MAP3K13: variants seen among roughly 807,000 people sequenced by gnomAD.
MAP3K13 encodes the protein mitogen-activated protein kinase kinase kinase 13, also known as leucine zipper-bearing kinase.
In MAP3K13, 52 loss-of-function variants were observed where a neutral mutation model predicts 104.0. That is an observed-to-expected ratio of 0.50 (90% confidence interval 0.40 to 0.63). MAP3K13 has a LOEUF of 0.63. Among genes scored for constraint, MAP3K13 ranks in the 20% least tolerant of loss-of-function variants. MAP3K13 has a pLI of 0.00. For synonymous variants in MAP3K13, 394 were observed against 442.2 expected (o/e 0.89, Z 1.37); for missense variants, 914 against 1,218.5 (o/e 0.75, Z 3.72).
intron 1 of MAP3K13, among the ~76,000 whole-genome samples, chr3:185,366,517 T>A (rs545348912): frequency 6.6e-5 from 10 of 152,322 alleles, no homozygotes; most frequent in Non-Finnish European, 1.3e-4. Context: ...TGCCAAATTG[T>A]TTTCCAAAGT....
chr3:185,356,898 GTATGTATGTATT>G (rs1461733464), intron 2 of MAP3K13, among the ~76,000 whole-genome samples: 44 of 150,692 alleles, frequency 2.9e-4, no homozygotes, highest in African/African-American at 1.0e-3. Flanking sequence ...ATGTATGTAT[GTATGTATGTATT>G]TATGTATTGA....
At position 185,397,098 on chromosome 3, in the gene MAP3K13, G is replaced by GT. The variant is rs1270065832; in HGVS notation, c.-85-31399_-85-31398insT. Among the ~76,000 whole-genome samples, 4 of 151,846 alleles carry GT rather than the reference G, an allele frequency of 2.6e-5. No individual in the cohort carries two copies. In the South Asian group the frequency reaches 6.2e-4, roughly 24 times the overall value. ...AGATAAGAGAATCTTACAATTGAAA[G>GT]ACATAGGAGAGGTCATTCGGTTCAA... On this transcript the variant is annotated intron_variant, in intron 1 of 13. Transcript: ENST00000265026.
At chr3:185,288,595 A>AAAAT (rs1458009404) in intron 2 of MAP3K13, among the ~76,000 whole-genome samples, 3 of 151,506 alleles carry the variant, frequency 2.0e-5, no homozygotes, top group Non-Finnish European at 4.4e-5. Flanking sequence ...TCAATGAGAA[A>AAAAT]AAATAAATAA....
chr3:185,328,138 T>C (rs920325177), intron 2 of MAP3K13, among the ~76,000 whole-genome samples: 1 of 152,202 alleles, frequency 6.6e-6, no homozygotes, highest in Admixed American at 6.5e-5. Context: ...GTTCTCACTT[T>C]ACATCAGATC....
chr3:185,455,860 TATATGAGATATAGATGAG>T (rs1716690974), intron 7 of MAP3K13, among the ~76,000 whole-genome samples: 1 of 67,230 alleles, frequency 1.5e-5, no homozygotes, highest in Non-Finnish European at 3.7e-5. Flanking sequence ...ATATGAGATA[TATATGAGATATAGATGAG>T]ATATATGATA....
intron 2 of MAP3K13, among the ~76,000 whole-genome samples, chr3:185,309,404 A>G (rs965559121): frequency 1.3e-5 from 2 of 151,714 alleles, no homozygotes; most frequent in African/African-American, 2.4e-5. Context: ...CAGCTACTCC[A>G]GAGGCTGGGA....
At position 185,425,140 on chromosome 3, in the gene MAP3K13, A is replaced by G. The variant is rs150866862; in HGVS notation, c.-85-3357A>G. 2.8e-3 allele frequency among the ~76,000 whole-genome samples: 427 copies of G among 152,356 alleles called. 1 individual carries two copies. Among genetic ancestry groups the G allele is most frequent in the African/African-American group, 1.0e-2 (415 of 41,586 alleles). ...TTGGAAACTTCTGCCCCTGTGATAA[A>G]TGAGCCCCATCTTTATCTTTCTTCC... On this transcript the variant is annotated intron_variant, in intron 1 of 13. Coordinates refer to ENST00000265026, the MANE Select transcript of MAP3K13 (RefSeq NM_004721.5).
At chr3:185,427,134 C>T (rs1714466804) in intron 1 of MAP3K13, among the ~76,000 whole-genome samples, 2 of 152,074 alleles carry the variant, frequency 1.3e-5, no homozygotes, top group South Asian at 4.1e-4. Flanking sequence ...AGGTGGATCA[C>T]CTGAGGTCAG....
chr3:185,362,117 C>A (rs1324217972), upstream of MAP3K13, among the ~76,000 whole-genome samples: 1 of 152,168 alleles, frequency 6.6e-6, no homozygotes, highest in Non-Finnish European at 1.5e-5. Context: ...TCACTGGACA[C>A]CTCATAACTG....
At chr3:185,368,158 T>G (rs1329533596) in intron 1 of MAP3K13, among the ~76,000 whole-genome samples, 1 of 152,116 alleles carries the variant, frequency 6.6e-6, no homozygotes, top group East Asian at 1.9e-4. Flanking sequence ...AGACCCTGTC[T>G]CAAAAAATTA....
At chr3:185,302,654 G>A (rs1721149124) in intron 2 of MAP3K13, among the ~76,000 whole-genome samples, 1 of 152,000 alleles carries the variant, frequency 6.6e-6, no homozygotes. Context: ...TTAGTGTATA[G>A]AAACACACTG....
Position 185,473,059 on chromosome 3 carries a change from C to T in MAP3K13, c.1728C>T (p.Ser576=), listed in dbSNP as rs200008233. 1.4e-5 allele frequency: 23 copies of T among 1,614,036 alleles called. No individual in the cohort carries two copies. Among genetic ancestry groups the T allele is most frequent in the Non-Finnish European group, 1.9e-5 (23 of 1,180,030 alleles). The change falls in exon 11 of 14, where the codon TCC becomes TCT. Residue 576 remains serine, a synonymous_variant. Coordinates refer to ENST00000265026, the MANE Select transcript of MAP3K13 (RefSeq NM_004721.5). This position sits in a 1 kb window ranked among gnomAD's most constrained non-coding sequence, Gnocchi z 4.9. ...ASPLSGSPKM[S]TSSSKSRYRS... is the part of the protein sequence containing the mutation. ...CTTTGTCCGGAAGTCCCAAAATGTCCACTTCTAGCAGCAAGAGCCGATATC... is the reference window on the plus strand; with the variant it reads ...CTTTGTCCGGAAGTCCCAAAATGTCTACTTCTAGCAGCAAGAGCCGATATC...
chr3:185,474,720 C>T (rs917738019), intron 11 of MAP3K13, among the ~76,000 whole-genome samples: 3 of 152,184 alleles, frequency 2.0e-5, no homozygotes, highest in African/African-American at 7.2e-5. Flanking sequence ...TATCCACTGG[C>T]TGCCTGGGAT....
intron 10 of MAP3K13, among the ~76,000 whole-genome samples, chr3:185,471,451 CTTTTTTTTTTTT>C (rs71164510): frequency 4.0e-5 from 3 of 75,438 alleles, no homozygotes; most frequent in Non-Finnish European, 6.9e-5. Flanking sequence ...ACGACCTTTA[CTTTTTTTTTTTT>C]TTTTTTTTTT....
intron 12 of MAP3K13, among the ~76,000 whole-genome samples, chr3:185,478,118 T>G (rs1048413020): frequency 6.6e-6 from 1 of 152,158 alleles, no homozygotes; most frequent in African/African-American, 2.4e-5. Flanking sequence ...ATATCTCAAG[T>G]TAAATATGAT....
At chr3:185,451,454 CAG>C (rs764655353) in intron 7 of MAP3K13, 59 bp downstream of exon 7, 5 of 1,112,432 alleles carry the variant, frequency 4.5e-6, no homozygotes, top group Admixed American at 1.7e-5. Context: ...CTCAATGAAA[CAG>C]AGTAACTCTT....
In MAP3K13 at chr3:185,428,493, T is replaced by G. The variant is rs771194539; in HGVS notation, c.-85-4T>G. The G allele has an allele frequency of 2.5e-5, 37 of 1,482,546 alleles. No individual in the cohort carries two copies. The highest frequency in any genetic ancestry group is 3.2e-5 in the Non-Finnish European group (36 of 1,116,490). The allele number at this position is 1,482,546 out of a possible 1,614,324, so 91.8% of individuals were successfully genotyped here. ...ATCTCTTATCTCCCTCCTGTTTTTC[T>G]CAGGTTTTGGAGCCCTCTCTTAAGT... On this transcript the variant is annotated splice_region_variant and splice_polypyrimidine_tract_variant and intron_variant, in intron 1 of 13. Coordinates refer to ENST00000265026, the MANE Select transcript of MAP3K13 (RefSeq NM_004721.5).
intron 2 of MAP3K13, among the ~76,000 whole-genome samples, chr3:185,310,933 C>T (rs780803151): frequency 7.9e-5 from 12 of 152,126 alleles, no homozygotes; most frequent in Admixed American, 3.3e-4. Flanking sequence ...AAGCAAAGGT[C>T]GTACTCACAT....
At chr3:185,341,549 C>T (rs568856833) in intron 2 of MAP3K13, among the ~76,000 whole-genome samples, 1 of 152,266 alleles carries the variant, frequency 6.6e-6, no homozygotes, top group East Asian at 1.9e-4. Flanking sequence ...AACGTTTAAC[C>T]CACATTCTGC....
Sources: allele counts gnomAD v4.1 joint callset (sites outside exome capture counted in the v4.1 genomes callset), GRCh38; gene constraint gnomAD v4.1.1; non-coding constraint Gnocchi (gnomAD v3.1); transcripts MANE v1.5; gene names NCBI Gene and HGNC (gene_info 2026-07-23, HGNC 2026-07-21).